The following SNX3 variants were observed in gnomAD, a reference collection of about 807,000 sequenced individuals.
SNX3 encodes the protein sorting nexin-3.
Under a neutral mutation model 17.7 loss-of-function variants are expected in SNX3, and 5 were observed. That is an observed-to-expected ratio of 0.28 (90% CI 0.15 to 0.59). SNX3 has a LOEUF of 0.59. Ranked by LOEUF, SNX3 falls within the 20% of genes least tolerant of loss-of-function variation. SNX3 has a pLI of 0.88. For missense variants in SNX3, 132 were observed against 206.8 expected (o/e 0.64, Z 2.22); for synonymous variants, 91 against 76.5 (o/e 1.19, Z -0.99).
intron 1 of SNX3, among the ~76,000 whole-genome samples, chr6:108,248,797 G>C (rs942953473): frequency 6.6e-6 from 1 of 151,448 alleles, no homozygotes; most frequent in Non-Finnish European, 1.5e-5. Context: ...GTCTCACTCT[G>C]TCACCCAGGC....
intron 1 of SNX3, among the ~76,000 whole-genome samples, chr6:108,250,794 T>C (rs1191697490): frequency 6.6e-6 from 1 of 152,160 alleles, no homozygotes; most frequent in African/African-American, 2.4e-5. Flanking sequence ...AAAATAACTT[T>C]AGGAAAGCCA....
rs758952065 is a variant in SNX3 at position 108,222,995 on chromosome 6, G to A, written c.213C>T (p.Tyr71=). The A allele has an allele frequency of 1.2e-6, 2 of 1,609,570 alleles. No individual in the cohort carries two copies. Among genetic ancestry groups the A allele is most frequent in the South Asian group, 2.2e-5 (2 of 90,566 alleles). ...CACTTCGCAGCCATTCAAAGTCACT[G>A]TATCTTCTTCTAACAGTAGATTCTT... The part of the protein sequence containing the change: ...KLKESTVRRR[Y]SDFEWLRSEL... The change falls in exon 2 of 4, where the codon TAC becomes TAT. Residue 71 remains tyrosine (Y), a synonymous_variant. Transcript: ENST00000230085.
chr6:108,253,152 C>A (rs558242302), intron 1 of SNX3, among the ~76,000 whole-genome samples: 44 of 152,300 alleles, frequency 2.9e-4, no homozygotes, highest in Non-Finnish European at 5.1e-4. Context: ...AGGAAAATGT[C>A]TATTGCATGT....
At chr6:108,214,688 C>T (rs1774510548) in intron 2 of SNX3, 66 bp from the exon 3 acceptor site, 6 of 1,532,894 alleles carry the variant, frequency 3.9e-6, no homozygotes, top group Non-Finnish European at 4.4e-6. Context: ...TAGAGCACAA[C>T]ATGAAGACAA....
At chr6:108,222,668 T>C (rs1359196977) in intron 2 of SNX3, among the ~76,000 whole-genome samples, 3 of 152,090 alleles carry the variant, frequency 2.0e-5, no homozygotes, top group Admixed American at 6.6e-5. Context: ...GAAGATGGAA[T>C]AGGACGATGA....
At chr6:108,247,020 C>A (rs1006601125) in intron 1 of SNX3, among the ~76,000 whole-genome samples, 2 of 152,044 alleles carry the variant, frequency 1.3e-5, no homozygotes, top group African/African-American at 2.4e-5. Context: ...GAATTGTAAT[C>A]CCCACGTGTA....
intron 1 of SNX3, among the ~76,000 whole-genome samples, chr6:108,242,470 C>A (rs1403875370): frequency 1.3e-5 from 2 of 152,152 alleles, no homozygotes; most frequent in African/African-American, 2.4e-5. Flanking sequence ...TAACAGCTGA[C>A]TTCTCACCAG....
chr6:108,240,729 A>C (rs1775490505), intron 1 of SNX3, among the ~76,000 whole-genome samples: 1 of 152,182 alleles, frequency 6.6e-6, no homozygotes, highest in South Asian at 2.1e-4. Flanking sequence ...GGGAAGGCTA[A>C]TATTGCGGCA....
chr6:108,259,131 AACATTC>A (rs1295179510), intron 1 of SNX3, among the ~76,000 whole-genome samples: 1 of 152,218 alleles, frequency 6.6e-6, no homozygotes, highest in Non-Finnish European at 1.5e-5. Flanking sequence ...CAATTAGAAA[AACATTC>A]ACTTTTCCAC....
chr6:108,239,952 TAATATG>T (rs913172271), intron 1 of SNX3, among the ~76,000 whole-genome samples: 1 of 152,032 alleles, frequency 6.6e-6, no homozygotes, highest in Non-Finnish European at 1.5e-5. Flanking sequence ...AAGAAAAACA[TAATATG>T]AATAAGACCA....
chr6:108,224,383 C>T (rs1774913895), intron 1 of SNX3, among the ~76,000 whole-genome samples: 1 of 152,136 alleles, frequency 6.6e-6, no homozygotes, highest in African/African-American at 2.4e-5. Flanking sequence ...TGGGTTCACG[C>T]CATTCTCCTG....
At chr6:108,252,414 C>G (rs1360435155) in intron 1 of SNX3, 1 of 152,732 alleles carries the variant, frequency 6.5e-6, no homozygotes, top group African/African-American at 2.4e-5. Flanking sequence ...TATGGCCATT[C>G]TATCCTGAAT....
intron 1 of SNX3, among the ~76,000 whole-genome samples, chr6:108,257,857 G>T (rs773739313): frequency 2.6e-5 from 4 of 151,768 alleles, no homozygotes; most frequent in African/African-American, 4.8e-5. Context: ...CCAGCTACTT[G>T]GGCGGCTGAG....
chr6:108,244,402 G>A (rs1226835950), intron 1 of SNX3, among the ~76,000 whole-genome samples: 1 of 152,134 alleles, frequency 6.6e-6, no homozygotes, highest in African/African-American at 2.4e-5. Flanking sequence ...TGATCCTCCT[G>A]CTTTGGCCTT....
chr6:108,219,138 C>G (rs561818336), intron 2 of SNX3, among the ~76,000 whole-genome samples: 112 of 150,106 alleles, frequency 7.5e-4, no homozygotes, highest in African/African-American at 2.7e-3. Flanking sequence ...GATCACAAGG[C>G]CAGGAGATCG....
intron 1 of SNX3, among the ~76,000 whole-genome samples, chr6:108,254,143 A>C (rs80182942): frequency 1.8e-4 from 25 of 140,326 alleles, no homozygotes; most frequent in Non-Finnish European, 3.1e-4. Context: ...AAAAAAAAAA[A>C]CCGCCACTGC....
intron 2 of SNX3, among the ~76,000 whole-genome samples, chr6:108,221,659 G>C (rs940506677): frequency 7.0e-6 from 1 of 142,694 alleles, no homozygotes; most frequent in Non-Finnish European, 1.5e-5. Context: ...TGATCCTCTT[G>C]CCTCAGCCTC....
At chr6:108,213,314 T>A (rs944031927) in intron 3 of SNX3, among the ~76,000 whole-genome samples, 1 of 152,136 alleles carries the variant, frequency 6.6e-6, no homozygotes, top group Non-Finnish European at 1.5e-5. Flanking sequence ...TTTGCCTGCT[T>A]AAAACCACAC....
At chr6:108,222,370 C>G in intron 2 of SNX3, 5 of 1,295,258 alleles carry the variant, frequency 3.9e-6, no homozygotes, top group Non-Finnish European at 5.1e-6. Context: ...TATTTTGATG[C>G]CAAAGCTACC....
Sources: allele counts gnomAD v4.1 joint callset (sites outside exome capture counted in the v4.1 genomes callset), GRCh38; gene constraint gnomAD v4.1.1; transcripts MANE v1.5; gene names NCBI Gene and HGNC (gene_info 2026-07-23, HGNC 2026-07-21).